Variants in RFPL1 observed in about 807,000 individuals in gnomAD.
The protein encoded by RFPL1 is ret finger protein like 1, also known as ret finger protein-like 1.
RFPL1 carries 6 observed loss-of-function variants against 9.6 expected under a neutral mutation model. That is an observed-to-expected ratio of 0.62 (90% CI 0.34 to 1.23). RFPL1 has a LOEUF of 1.23. Ranked by LOEUF, RFPL1 falls within the 50% of genes most tolerant of loss-of-function variation. The pLI, the probability that RFPL1 is intolerant of heterozygous loss-of-function variation, is 0.03. For synonymous variants in RFPL1, 145 were observed against 149.4 expected (o/e 0.97, Z 0.22); for missense variants, 352 against 398.4 (o/e 0.88, Z 0.99).
the RFPL1 span, among the ~76,000 whole-genome samples, chr22:29,404,536 A>G: frequency 6.6e-6 from 1 of 152,212 alleles, no homozygotes; most frequent in East Asian, 1.9e-4. Context: ...AAAAAATAAG[A>G]GTCAGATCAA....
chr22:29,393,290 G>A, the RFPL1 span, among the ~76,000 whole-genome samples: 2 of 152,268 alleles, frequency 1.3e-5, no homozygotes, highest in Admixed American at 1.3e-4. Context: ...GTAGAGATAA[G>A]GAAAAGACCA....
chr22:29,423,882 A>C, the RFPL1 span, among the ~76,000 whole-genome samples: 2 of 152,200 alleles, frequency 1.3e-5, no homozygotes, highest in Admixed American at 6.5e-5. Flanking sequence ...CATCTCCTAG[A>C]GCAAAGCTCA....
the RFPL1 span, among the ~76,000 whole-genome samples, chr22:29,426,322 CA>C: frequency 0.3 from 42,582 of 142,938 alleles, 7,109 homozygotes; most frequent in African/African-American, 0.49. Context: ...AACTTCATGT[CA>C]AAAAAAAAAA....
At chr22:29,416,674 C>T in the RFPL1 span, among the ~76,000 whole-genome samples, 1 of 152,190 alleles carries the variant, frequency 6.6e-6, no homozygotes, top group African/African-American at 2.4e-5. Context: ...CAAGCTCTGG[C>T]ACCCAGTAAG....
chr22:29,435,968 A>G (rs1298613491), upstream of RFPL1, among the ~76,000 whole-genome samples: 1 of 152,120 alleles, frequency 6.6e-6, no homozygotes. Context: ...ACATGTTCTC[A>G]CTCCTATATG....
At chr22:29,396,448 A>G in the RFPL1 span, among the ~76,000 whole-genome samples, 2 of 152,248 alleles carry the variant, frequency 1.3e-5, no homozygotes, top group Admixed American at 6.5e-5. Flanking sequence ...TTCAAGAACC[A>G]TGAGCCAAAT....
At chr22:29,433,994 C>A (rs1386390676), upstream of RFPL1, among the ~76,000 whole-genome samples, 1 of 145,028 alleles carries the variant, frequency 6.9e-6, no homozygotes, top group Non-Finnish European at 1.5e-5. Flanking sequence ...GGATTTCTGA[C>A]ACACACTCAC....
chr22:29,435,293 G>T (rs1223194785), upstream of RFPL1, among the ~76,000 whole-genome samples: 1 of 152,180 alleles, frequency 6.6e-6, no homozygotes, highest in African/African-American at 2.4e-5. Context: ...GCACCGTGCT[G>T]CTGTCTCATT....
At chr22:29,394,708 G>C in the RFPL1 span, among the ~76,000 whole-genome samples, 3 of 152,300 alleles carry the variant, frequency 2.0e-5, no homozygotes, top group East Asian at 5.8e-4. Context: ...GCCAAGCATC[G>C]TTGTATGCCC....
At chr22:29,413,861 A>G in the RFPL1 span, among the ~76,000 whole-genome samples, 1 of 152,206 alleles carries the variant, frequency 6.6e-6, no homozygotes, top group Non-Finnish European at 1.5e-5. Context: ...TTTCTTTACA[A>G]TTAACATTTC....
upstream of RFPL1, chr22:29,434,403 T>G (rs2062798995): frequency 6.5e-6 from 1 of 154,060 alleles, no homozygotes; most frequent in South Asian, 2.1e-4. Flanking sequence ...GCAGGGAAGT[T>G]TCTATTTGCT....
chr22:29,432,276 C>G, the RFPL1 span, among the ~76,000 whole-genome samples: 3 of 152,170 alleles, frequency 2.0e-5, no homozygotes, highest in Non-Finnish European at 4.4e-5. Context: ...TCCACAGTTC[C>G]CAGGAATTTG....
At chr22:29,412,399 G>A in the RFPL1 span, among the ~76,000 whole-genome samples, 2 of 152,048 alleles carry the variant, frequency 1.3e-5, no homozygotes, top group Admixed American at 6.6e-5. Context: ...CAGCGCTCCC[G>A]AGTAGCAGGG....
At chr22:29,403,539 C>G in the RFPL1 span, among the ~76,000 whole-genome samples, 1 of 151,898 alleles carries the variant, frequency 6.6e-6, no homozygotes, top group African/African-American at 2.4e-5. Flanking sequence ...AGGCTGGTGG[C>G]GAAGTGCAGG....
chr22:29,419,553 C>T, the RFPL1 span, among the ~76,000 whole-genome samples: 3 of 151,970 alleles, frequency 2.0e-5, no homozygotes, highest in Admixed American at 2.0e-4. Context: ...GTCTGTAATC[C>T]CAGCGCTTTG....
the RFPL1 span, chr22:29,432,847 T>G: frequency 6.6e-6 from 1 of 152,284 alleles, no homozygotes; most frequent in Admixed American, 6.5e-5. Context: ...GGCACTGATA[T>G]GTCTCTATGC....
At chr22:29,428,167 C>T in the RFPL1 span, among the ~76,000 whole-genome samples, 5 of 152,106 alleles carry the variant, frequency 3.3e-5, no homozygotes, top group Admixed American at 3.3e-4. Context: ...GGATTCATTG[C>T]TAATGTTGAA....
the RFPL1 span, among the ~76,000 whole-genome samples, chr22:29,405,107 A>T: frequency 6.6e-6 from 1 of 152,198 alleles, no homozygotes. Flanking sequence ...ATATACTATG[A>T]TATATCAAAT....
At chr22:29,425,213 A>G in the RFPL1 span, among the ~76,000 whole-genome samples, 2 of 151,772 alleles carry the variant, frequency 1.3e-5, no homozygotes, top group Non-Finnish European at 2.9e-5. Flanking sequence ...CAAAAAAAAA[A>G]AAAAAAAAGA....
Sources: allele counts gnomAD v4.1 joint callset (sites outside exome capture counted in the v4.1 genomes callset), GRCh38; gene constraint gnomAD v4.1.1; transcripts MANE v1.5; gene names NCBI Gene and HGNC (gene_info 2026-07-23, HGNC 2026-07-21).